STAT6: variants seen among roughly 807,000 people sequenced by gnomAD.
STAT6 encodes STAT, interleukin4-induced.
In STAT6, 45 loss-of-function variants were observed where a neutral mutation model predicts 106.3. That is an observed-to-expected ratio of 0.42 (90% CI 0.33 to 0.54). The LOEUF is 0.54. Ranked by LOEUF, STAT6 falls within the 20% of genes least tolerant of loss-of-function variation. The pLI is 0.06. For missense variants in STAT6, 797 were observed against 1,062.2 expected (o/e 0.75, Z 3.47); for synonymous variants, 413 against 413.6 (o/e 1.00, Z 0.02).
chr12:57,104,552 C>G lies in STAT6; in HGVS notation c.1124G>C (p.Gly375Ala), dbSNP rs569970832. 6.2e-7 allele frequency: 1 copy of G among 1,614,060 alleles called. No individual in the cohort carries two copies. The highest frequency in any genetic ancestry group is 1.7e-5 in the Admixed American group (1 of 60,014). ...LKKIKRCERK[G>A]TESVTEEKCA... ...CTTCTCCTCTGTGACAGACTCAGTGCCCTTCCGCTCACACCGCTTGATCTT... is the reference window on the plus strand; with the variant it reads ...CTTCTCCTCTGTGACAGACTCAGTGGCCTTCCGCTCACACCGCTTGATCTT... The change falls in exon 11 of 22, where the codon GGC (glycine) becomes GCC (alanine). Residue 375 changes from glycine (G) to alanine (A), a missense_variant. Gly to Ala is a moderately conservative substitution (Grantham distance 60, BLOSUM62 0). Coordinates refer to ENST00000300134, the MANE Select transcript of STAT6 (RefSeq NM_003153.5).
intron 9 of STAT6, 125 bp from the exon 10 acceptor site, chr12:57,104,938 T>C: frequency 7.8e-7 from 1 of 1,282,154 alleles, no homozygotes; most frequent in Non-Finnish European, 1.1e-6. Flanking sequence ...TTTGGGTTCT[T>C]AAGGGAGGAG....
chr12:57,102,651 C>T (rs1271693239), intron 12 of STAT6, among the ~76,000 whole-genome samples, 155 bp from the exon 13 acceptor site: 6 of 152,256 alleles, frequency 3.9e-5, no homozygotes, highest in Non-Finnish European at 8.8e-5. Context: ...AGTGCTGTGG[C>T]CTGATAGTTG....
chr12:57,110,062 A>G (rs1248292705), intron 1 of STAT6: 1 of 152,206 alleles, frequency 6.6e-6, no homozygotes, highest in Non-Finnish European at 1.5e-5. Context: ...TTTCTCCTCA[A>G]GGCAGAATCC....
At chr12:57,104,414 G>A in intron 11 of STAT6, 50 bp downstream of exon 11, 2 of 1,578,460 alleles carry the variant, frequency 1.3e-6, no homozygotes, top group Non-Finnish European at 1.7e-6. Context: ...GTGTGGCATT[G>A]GAGGAGGACT....
intron 11 of STAT6, 39 bp from the exon 12 acceptor site, chr12:57,102,960 CTTTCCTTTTTTTTTTTTTTTTTTTTTTTT>C (rs2034034149): frequency 3.2e-6 from 1 of 315,784 alleles, no homozygotes; most frequent in East Asian, 1.1e-4. Flanking sequence ...TTCTTTCTTT[CTTTCCTTTTTTTTTTTTTTTTTTTTTTTT>C]TTTTTTTTTT....
chr12:57,107,175 C>T (rs2136614139), intron 4 of STAT6, 56 bp downstream of exon 4: 7 of 1,559,864 alleles, frequency 4.5e-6, no homozygotes, highest in Admixed American at 1.7e-5. Flanking sequence ...TTTGTCATGG[C>T]TCAGGCCAAA....
chr12:57,105,373 G>T (rs2034204144), intron 8 of STAT6, 34 bp from the exon 9 acceptor site: 1 of 1,610,510 alleles, frequency 6.2e-7, no homozygotes, highest in Non-Finnish European at 8.5e-7. Context: ...GGAGTTGGGG[G>T]CTAGGTCCCT....
Position 57,096,649 on chromosome 12 carries a change from GGGGCTGTGC to G in STAT6, c.2458_2466del (p.Ala820_Pro822del). 1 of 1,608,598 alleles carries G rather than the reference GGGGCTGTGC, an allele frequency of 6.2e-7. No homozygotes were observed. The highest frequency in any genetic ancestry group is 2.2e-5 in the East Asian group (1 of 44,852). ...TGCCCATAGTGGGAGGGCTGCAGGA[GGGGCTGTGC>G]CCCCAAGGACCCTCCCCCCGACTCC... On this transcript the variant is annotated inframe_deletion, in exon 22 of 22. Transcript: ENST00000300134.
At chr12:57,100,700 G>GAGAGAGAAAGAA (rs2033835522) in intron 13 of STAT6, 13 of 64,850 alleles carry the variant, frequency 2.0e-4, no homozygotes, top group Non-Finnish European at 3.6e-4. Flanking sequence ...AAGAAAGAAA[G>GAGAGAGAAAGAA]AGAAAGAAAG....
chr12:57,109,579 G>T (rs1159612643), intron 1 of STAT6, among the ~76,000 whole-genome samples: 1 of 152,106 alleles, frequency 6.6e-6, no homozygotes, highest in Non-Finnish European at 1.5e-5. Context: ...AGGAGGAGAG[G>T]TGGAAAAGGA....
chr12:57,100,181 C>T (rs1046146734), intron 13 of STAT6, 91 bp from the exon 14 acceptor site: 1 of 1,075,054 alleles, frequency 9.3e-7, no homozygotes, highest in Non-Finnish European at 1.4e-6. Context: ...GCCCTCACGA[C>T]AGAATCACAG....
chr12:57,104,668 A>G, intron 10 of STAT6, 58 bp downstream of exon 10: 2 of 1,613,748 alleles, frequency 1.2e-6, no homozygotes, highest in Non-Finnish European at 1.7e-6. Context: ...ATCCTCTCCA[A>G]GGAGAGTCCC....
rs775569995 is a variant in STAT6, at chr12:57,105,470, G to C, written c.810C>G (p.Thr270=). 144 of 1,613,894 alleles carry C rather than the reference G, an allele frequency of 8.9e-5. No individual in the cohort carries two copies. Among genetic ancestry groups the C allele is most frequent in the Non-Finnish European group, 1.1e-4 (126 of 1,179,954 alleles). The change falls in exon 8 of 22, where the codon ACC becomes ACG. Residue 270 remains threonine (T), a splice_region_variant and synonymous_variant. Coordinates refer to ENST00000300134, the MANE Select transcript of STAT6 (RefSeq NM_003153.5). The part of the protein sequence containing the change: ...RLDEVLRTLV[T]SCFLVEKQPP... ...GACTGGGAGCTCCCGGGGAATACCT[G>C]GTGACGAGGGTTCTCAGGACTTCAT...
chr12:57,099,188 A>G lies in STAT6; in HGVS notation c.1891+106T>C. 1.3e-6 allele frequency: 2 copies of G among 1,594,798 alleles called. No homozygotes were observed. Reference sequence around the variant, plus strand: ...GAAGTAAGAGAAGCACAGCTATGAAATAGGGAGTGACATCAGGATGACACG... The same window carrying G: ...GAAGTAAGAGAAGCACAGCTATGAAGTAGGGAGTGACATCAGGATGACACG... On this transcript the variant is annotated intron_variant, in intron 16 of 21. Coordinates refer to ENST00000300134, the MANE Select transcript of STAT6 (RefSeq NM_003153.5). This position sits in a 1 kb window ranked among gnomAD's most constrained non-coding sequence, Gnocchi z 4.7.
At chr12:57,107,472 C>T (rs2034346587) in intron 3 of STAT6, 133 bp downstream of exon 3, 2 of 1,346,002 alleles carry the variant, frequency 1.5e-6, no homozygotes, top group Admixed American at 2.1e-5. Context: ...ATCTAATTTG[C>T]CTGCTAGCTA....
rs888816389 is a variant in STAT6 at position 57,107,420 on chromosome 12, C to A, written c.256-106G>T. Reference sequence around the variant, plus strand: ...ACACATATACTATAAGGAAGCACAACTGTAGACTCCAGAAGTTTTTGTGCA... The same window carrying A: ...ACACATATACTATAAGGAAGCACAAATGTAGACTCCAGAAGTTTTTGTGCA... On this transcript the variant is annotated intron_variant, in intron 3 of 21. Coordinates refer to ENST00000300134, the MANE Select transcript of STAT6 (RefSeq NM_003153.5). The A allele has an allele frequency of 6.1e-6, 8 of 1,322,210 alleles. No homozygotes were observed. In the African/African-American group the frequency reaches 1.0e-4, roughly 17 times the overall value. 81.9% of individuals were successfully genotyped at this position (1,322,210 alleles called of 1,614,324 possible). A position where few individuals can be genotyped will look rare whatever the true frequency, so the allele number is the denominator to read the frequency against.
chr12:57,103,079 T>C (rs761351122), intron 11 of STAT6, 158 bp from the exon 12 acceptor site: 3 of 547,824 alleles, frequency 5.5e-6, no homozygotes, highest in Admixed American at 7.0e-5. Context: ...CACTGCAGCC[T>C]CAGCCTTCAG....
At chr12:57,100,672 GAAA>G in intron 13 of STAT6, among the ~76,000 whole-genome samples, 1 of 41,596 alleles carries the variant, frequency 2.4e-5, no homozygotes, top group East Asian at 4.1e-4. Context: ...AAGAAAGAAA[GAAA>G]GAAAGAAAGA....
At position 57,096,465 on chromosome 12, in the gene STAT6, A is replaced by C. The variant is rs555706866; in HGVS notation, c.*107T>G. On this transcript the variant is annotated 3_prime_UTR_variant, in exon 22 of 22. Coordinates refer to ENST00000300134, the MANE Select transcript of STAT6 (RefSeq NM_003153.5). Reference sequence around the variant, plus strand: ...TGACCCAGGAGTAGGTGGGGATAGGAGGGCACCCTCCCCATCTGCTGCTTG... The same window carrying C: ...TGACCCAGGAGTAGGTGGGGATAGGCGGGCACCCTCCCCATCTGCTGCTTG... 1.3e-4 allele frequency: 142 copies of C among 1,125,782 alleles called. No homozygotes were observed. The African/African-American group carries it at 1.8e-3, about 15-fold the overall frequency. The allele number at this position is 1,125,782 out of a possible 1,614,324, so 69.7% of individuals were successfully genotyped here.
Sources: allele counts gnomAD v4.1 joint callset (sites outside exome capture counted in the v4.1 genomes callset), GRCh38; gene constraint gnomAD v4.1.1; non-coding constraint Gnocchi (gnomAD v3.1); transcripts MANE v1.5; gene names NCBI Gene and HGNC (gene_info 2026-07-23, HGNC 2026-07-21).